Variants in BIN3 observed in about 807,000 individuals in gnomAD.
BIN3 encodes bridging integrator 3.
In BIN3, 41 loss-of-function variants were observed where a neutral mutation model predicts 38.2. The ratio of observed to expected loss-of-function variants is 1.07; its 90% CI spans 0.84 to 1.39. BIN3 has a LOEUF of 1.39. Ranked by LOEUF, BIN3 falls within the 40% of genes most tolerant of loss-of-function variation. The pLI is 0.00. For missense variants in BIN3, 361 were observed against 324.3 expected, an observed-to-expected ratio of 1.11 and a Z score of -0.87; for synonymous variants, 145 against 122.6, an observed-to-expected ratio of 1.18 and a Z score of -1.21.
chr8:22,656,746 T>C (rs1803069014), intron 1 of BIN3, among the ~76,000 whole-genome samples: 1 of 152,208 alleles, frequency 6.6e-6, no homozygotes, highest in Non-Finnish European at 1.5e-5. Context: ...GGTACAAATA[T>C]TAGGTTTTTG....
At position 22,630,514 on chromosome 8, in the gene BIN3, G is replaced by C. The variant is rs542000407; in HGVS notation, c.225C>G (p.Asp75Glu). 9 of 1,614,026 alleles carry C rather than the reference G, an allele frequency of 5.6e-6. No homozygotes were observed. In the South Asian group the frequency reaches 9.9e-5, roughly 18 times the overall value. The change falls in exon 5 of 9, where the codon GAC becomes GAG. Residue 75 changes from aspartate to glutamate, a missense_variant. Coordinates refer to ENST00000276416, the MANE Select transcript of BIN3 (RefSeq NM_018688.6). ...CCGTCACCATGTTCAGAAGGTCCTG[G>C]TCTTGCTCACAGAGGGGATTGGAGA... ...DLLSNPLCEQ[D>E]QDLLNMVTAL...
Position 22,621,699 on chromosome 8 carries a change from G to A in BIN3, c.616-131C>T, listed in dbSNP as rs1172209125. ...GAGCTGTGCAGCAGCGTGCCTTTGG[G>A]GATATGCAGGGCACGGAAGGGCTCT... is the stretch of plus-strand genomic sequence containing the variant. On this transcript the variant is annotated intron_variant, in intron 8 of 8. Transcript: ENST00000276416. The A allele has an allele frequency of 6.3e-6, 6 of 957,552 alleles. No homozygotes were observed. In the South Asian group the frequency reaches 6.3e-5, roughly 10 times the overall value. The allele number at this position is 957,552 out of a possible 1,614,324, so 59.3% of individuals were successfully genotyped here.
At chr8:22,649,780 A>C (rs1802824320) in intron 1 of BIN3, among the ~76,000 whole-genome samples, 1 of 150,904 alleles carries the variant, frequency 6.6e-6, no homozygotes, top group Non-Finnish European at 1.5e-5. Context: ...TCAGTGTTAA[A>C]AACCTGGAAG....
intron 4 of BIN3, among the ~76,000 whole-genome samples, chr8:22,632,916 C>A (rs1429126619): frequency 4.6e-5 from 7 of 152,134 alleles, no homozygotes; most frequent in Non-Finnish European, 1.0e-4. Flanking sequence ...ACCATGTTGG[C>A]CAGGCTGGTC....
At chr8:22,663,340 G>A (rs912395791) in intron 1 of BIN3, among the ~76,000 whole-genome samples, 2 of 150,764 alleles carry the variant, frequency 1.3e-5, no homozygotes, top group Non-Finnish European at 2.9e-5. Context: ...AGGAGGCTAA[G>A]GCAGAAGGAT....
chr8:22,637,386 T>C lies in BIN3; in HGVS notation c.58-424A>G, dbSNP rs533675317. On this transcript the variant is annotated intron_variant, in intron 2 of 8. Transcript: ENST00000276416. The stretch of plus-strand genomic sequence containing the variant: ...TCTCTGCCTTTTCCTAGTTTCCAGG[T>C]CCATGCAGGGCACCTCCCCTCCTAC... 1.4e-4 allele frequency among the ~76,000 whole-genome samples: 22 copies of C among 152,228 alleles called. No homozygotes were observed. In the South Asian group the frequency reaches 4.1e-3, roughly 29 times the overall value.
rs1802174031 is a variant in BIN3 at position 22,630,889 on chromosome 8, A to G, written c.161-311T>C. 2.0e-5 allele frequency among the ~76,000 whole-genome samples: 3 copies of G among 152,192 alleles called. 1 individual carries two copies. The East Asian group carries it at 5.8e-4, about 29-fold the overall frequency. On this transcript the variant is annotated intron_variant, in intron 4 of 8. Coordinates refer to ENST00000276416, the MANE Select transcript of BIN3 (RefSeq NM_018688.6). ...TATGTTTCTGGCTCCAAAGATTCTAATTCAGTAAACCCGGTACCCAAGAAT... is the reference window on the plus strand; with the variant it reads ...TATGTTTCTGGCTCCAAAGATTCTAGTTCAGTAAACCCGGTACCCAAGAAT...
rs368036401 is a variant in BIN3, at chr8:22,624,345, C to T, written c.357G>A (p.Pro119=). 544 of 1,613,020 alleles carry T rather than the reference C, an allele frequency of 3.4e-4. No individual in the cohort carries two copies. Among genetic ancestry groups the T allele is most frequent in the Non-Finnish European group, 4.3e-4 (504 of 1,179,540 alleles). The change falls in exon 7 of 9, where the codon CCG becomes CCA. Residue 119 remains proline, a synonymous_variant. Transcript: ENST00000276416. ...GCCTCTTCACAGCCATGTTGAGGCT[C>T]GGGAAGACACTGCCGAACCTGTGGG... ...EPLKKFGSVF[P]SLNMAVKRRE...
At chr8:22,652,161 G>A (rs1299634332) in intron 1 of BIN3, among the ~76,000 whole-genome samples, 2 of 151,870 alleles carry the variant, frequency 1.3e-5, no homozygotes, top group African/African-American at 2.4e-5. Flanking sequence ...TATAGTTTCA[G>A]TTTTCCTCCA....
intron 2 of BIN3, among the ~76,000 whole-genome samples, chr8:22,639,035 C>T (rs534791233): frequency 5.3e-5 from 8 of 152,268 alleles, no homozygotes; most frequent in South Asian, 2.1e-4. Flanking sequence ...GCTAAAGGAA[C>T]GGAAAGACTC....
chr8:22,623,232 G>C (rs1475334576), intron 8 of BIN3, among the ~76,000 whole-genome samples: 2 of 152,352 alleles, frequency 1.3e-5, no homozygotes. Flanking sequence ...TATTTTGCCA[G>C]TTGGGGGAAC....
In BIN3 at chr8:22,653,701, C is replaced by A. The variant is rs1252723656; in HGVS notation, c.9-8898G>T. 2.0e-5 allele frequency among the ~76,000 whole-genome samples: 3 copies of A among 152,302 alleles called. No homozygotes were observed. In the South Asian group the frequency reaches 6.2e-4, roughly 32 times the overall value. On this transcript the variant is annotated intron_variant, in intron 1 of 8. Coordinates refer to ENST00000276416, the MANE Select transcript of BIN3 (RefSeq NM_018688.6). ...GAAGAAGTAAAAGCAGGAATGAAGACAGAGGTTTTCCTAACTCGCTGCAAT... is the reference window on the plus strand; with the variant it reads ...GAAGAAGTAAAAGCAGGAATGAAGAAAGAGGTTTTCCTAACTCGCTGCAAT...
intron 2 of BIN3, among the ~76,000 whole-genome samples, chr8:22,638,609 CAG>C (rs1241975308): frequency 1.3e-5 from 2 of 152,174 alleles, no homozygotes; most frequent in Admixed American, 6.5e-5. Flanking sequence ...GGAATGAGGC[CAG>C]AGAGAGTTGA....
Position 22,621,493 on chromosome 8 carries a change from C to T in BIN3, c.691G>A (p.Glu231Lys), listed in dbSNP as rs1403070704. 2 of 1,613,968 alleles carry T rather than the reference C, an allele frequency of 1.2e-6. No homozygotes were observed. The highest frequency in any genetic ancestry group is 1.1e-5 in the South Asian group (1 of 91,086). The change falls in exon 9 of 9, where the codon GAG becomes AAG. Residue 231 changes from glutamate to lysine, a missense_variant. Physicochemically the swap from Glu to Lys is moderately conservative, Grantham distance 56 (BLOSUM62 1). Coordinates refer to ENST00000276416, the MANE Select transcript of BIN3 (RefSeq NM_018688.6). ...HQLDQPGHSD[E>K]QRERENEAKL... Reference sequence around the variant, plus strand: ...GCCTCGTTCTCCCGCTCCCGCTGCTCATCGGAGTGGCCTGGCTGGTCAAGC... The same window carrying T: ...GCCTCGTTCTCCCGCTCCCGCTGCTTATCGGAGTGGCCTGGCTGGTCAAGC...
At chr8:22,667,489 G>T (rs1803458447) in intron 1 of BIN3, among the ~76,000 whole-genome samples, 1 of 152,154 alleles carries the variant, frequency 6.6e-6, no homozygotes, top group Admixed American at 6.5e-5. Context: ...TGAAAAATTA[G>T]GTAAGAACAC....
chr8:22,646,997 G>A (rs183569928), intron 1 of BIN3, among the ~76,000 whole-genome samples: 8 of 152,312 alleles, frequency 5.3e-5, no homozygotes, highest in African/African-American at 1.7e-4. Flanking sequence ...AGCTGAAAGC[G>A]CTCTCGACCC....
chr8:22,623,838 C>G, intron 8 of BIN3, 77 bp downstream of exon 8: 1 of 1,520,268 alleles, frequency 6.6e-7, no homozygotes. Context: ...GGCTAAGCCA[C>G]CCTTCCAGTG....
intron 1 of BIN3, among the ~76,000 whole-genome samples, chr8:22,664,726 G>A (rs749495634): frequency 6.6e-6 from 1 of 152,258 alleles, no homozygotes; most frequent in Non-Finnish European, 1.5e-5. Flanking sequence ...TACTAGCTGA[G>A]TGAATTCTAG....
chr8:22,635,612 G>A (rs1479471686), intron 4 of BIN3, among the ~76,000 whole-genome samples: 1 of 151,920 alleles, frequency 6.6e-6, no homozygotes, highest in Non-Finnish European at 1.5e-5. Context: ...AGTGCTTTAC[G>A]TTGCTCATCC....
Sources: allele counts gnomAD v4.1 joint callset (sites outside exome capture counted in the v4.1 genomes callset), GRCh38; gene constraint gnomAD v4.1.1; transcripts MANE v1.5; gene names NCBI Gene and HGNC (gene_info 2026-07-23, HGNC 2026-07-21).